Variants in NKAP observed in about 807,000 individuals in gnomAD.
NKAP encodes NF-kappa-B-activating protein.
NKAP carries 4 observed loss-of-function variants against 35.6 expected under a neutral mutation model. That is an observed-to-expected ratio of 0.11 (90% CI 0.06 to 0.26). The LOEUF (loss-of-function observed/expected upper bound fraction) is 0.26. Among genes scored for constraint, NKAP ranks in the 10% least tolerant of loss-of-function variants. NKAP has a pLI of 1.00. For synonymous variants in NKAP, 106 were observed against 119.2 expected (o/e 0.89, Z 0.72); for missense variants, 238 against 321.9 (o/e 0.74, Z 1.99).
chrX:119,934,460 A>AAT, intron 5 of NKAP, 34 bp downstream of exon 5: 1 of 861,927 alleles, frequency 1.2e-6, no homozygotes, highest in Non-Finnish European at 1.6e-6. Context: ...AAAAAAGAAA[A>AAT]GAAATTTTCC....
intron 5 of NKAP, among the ~76,000 whole-genome samples, chrX:119,933,889 C>T (rs1324581513): frequency 1.8e-5 from 2 of 109,178 alleles, no homozygotes; most frequent in African/African-American, 6.7e-5. Context: ...TGCAGTGAGC[C>T]GAGATCGCGC....
chrX:119,943,531 C>A lies in NKAP; in HGVS notation c.75G>T (p.Ser25=), dbSNP rs767648868. ...SGSGGRRRSS[S]KSPKPSKSAR... is the part of the protein sequence containing the mutation. ...CAGATTTGCTGGGCTTCGGACTCTT[C>A]GACGAACTGCGACGTCTTCCCCCCG... Residue 25 remains serine (S), a synonymous_variant, in exon 1 of 9, where the codon TCG becomes TCT. Coordinates refer to ENST00000371410, the MANE Select transcript of NKAP (RefSeq NM_024528.4). The A allele has an allele frequency of 8.3e-7, 1 of 1,207,634 alleles. No individual in the cohort carries two copies. The highest frequency in any genetic ancestry group is 1.7e-5 in the African/African-American group (1 of 57,781).
In NKAP at chrX:119,925,096, T is replaced by G; in HGVS notation, c.*124A>C. On this transcript the variant is annotated 3_prime_UTR_variant, in exon 9 of 9. Transcript: ENST00000371410. ...CTTTTTATTGAAGGACTGAAAGAAT[T>G]AAATAGAAGGCACAGTAGCACTGTA... 2.9e-6 allele frequency: 2 copies of G among 687,552 alleles called. No homozygotes were observed. Among genetic ancestry groups the G allele is most frequent in the Non-Finnish European group, 4.3e-6 (2 of 460,641 alleles). The allele number at this position is 687,552 out of a possible 1,213,427, so 56.7% of individuals were successfully genotyped here. A position where few individuals can be genotyped will look rare whatever the true frequency, so the allele number is the denominator to read the frequency against.
intron 1 of NKAP, among the ~76,000 whole-genome samples, chrX:119,940,747 C>T (rs2056789240): frequency 8.9e-6 from 1 of 112,029 alleles, no homozygotes; most frequent in African/African-American, 3.2e-5. Context: ...AAGTAACAGA[C>T]AATTTAAAAG....
chrX:119,933,979 T>C (rs1003615262), intron 5 of NKAP, among the ~76,000 whole-genome samples: 21 of 111,806 alleles, frequency 1.9e-4, no homozygotes, highest in Admixed American at 1.6e-3. Flanking sequence ...GCCTATCTTT[T>C]AGAGAAAGGT....
chrX:119,929,807 T>C (rs2056731986), intron 8 of NKAP, among the ~76,000 whole-genome samples: 1 of 112,219 alleles, frequency 8.9e-6, no homozygotes, highest in South Asian at 3.6e-4. Context: ...GTCAGAGATA[T>C]AGCTGAGTTT....
chrX:119,936,224 T>C, intron 4 of NKAP, 73 bp downstream of exon 4: 1 of 1,096,677 alleles, frequency 9.1e-7, no homozygotes, highest in Non-Finnish European at 1.2e-6. Flanking sequence ...TCAGGAACCT[T>C]CTTCTAAAAT....
rs1286724093 is a variant in NKAP, at chrX:119,943,460, C to G, written c.146G>C (p.Arg49Pro). The G allele has an allele frequency of 8.3e-7, 1 of 1,211,409 alleles. No homozygotes were observed. The highest frequency in any genetic ancestry group is 1.1e-6 in the Non-Finnish European group (1 of 895,065). Residue 49 changes from arginine (R) to proline (P), a missense_variant, in exon 1 of 9, where the codon CGG becomes CCG. Arg to Pro is a moderately radical substitution (Grantham distance 103). Transcript: ENST00000371410. ...GRRSRSHSCS[R>P]SGDRNGLTHQ... Reference sequence around the variant, plus strand: ...GGTGAGTCCATTCCGGTCCCCGGACCGAGAGCAAGAGTGCGAGCGAGAGCG... The same window carrying G: ...GGTGAGTCCATTCCGGTCCCCGGACGGAGAGCAAGAGTGCGAGCGAGAGCG...
chrX:119,939,517 C>T (rs1221084274), intron 1 of NKAP, among the ~76,000 whole-genome samples: 1 of 111,396 alleles, frequency 9.0e-6, no homozygotes, highest in Non-Finnish European at 1.9e-5. Context: ...AAACTCCTGA[C>T]CTCAGGAGAT....
rs1415585339 is a variant in NKAP, at chrX:119,938,723, C to T, written c.467+7G>A. Reference sequence around the variant, plus strand: ...ACATTTTAAAAATATATTTTTTAACCACTTACTCTGGTTCAGGATTCTTTG... The same window carrying T: ...ACATTTTAAAAATATATTTTTTAACTACTTACTCTGGTTCAGGATTCTTTG... On this transcript the variant is annotated splice_region_variant and intron_variant, in intron 2 of 8. Transcript: ENST00000371410. The T allele has an allele frequency of 7.0e-6, 8 of 1,142,349 alleles. No individual in the cohort carries two copies. The South Asian group carries it at 1.4e-4, about 20-fold the overall frequency. The allele number at this position is 1,142,349 out of a possible 1,213,427, so 94.1% of individuals were successfully genotyped here. A position where few individuals can be genotyped will look rare whatever the true frequency, so the allele number is the denominator to read the frequency against.
At position 119,922,793 on chromosome X, in the gene NKAP, G is replaced by A. The variant is rs1643869531; in HGVS notation, c.*2427C>T. On this transcript the variant is annotated 3_prime_UTR_variant, in exon 9 of 9. Transcript: ENST00000371410. ...ATGACTGCCTTATTTAAACACTTTT[G>A]AAAAACAACCACTTAAAAATATAAG... 8.9e-6 allele frequency: 1 copy of A among 111,736 alleles called. No homozygotes were observed. The highest frequency in any genetic ancestry group is 3.7e-4 in the South Asian group (1 of 2,724). 9.2% of individuals were successfully genotyped at this position (111,736 alleles called of 1,213,427 possible).
intron 7 of NKAP, among the ~76,000 whole-genome samples, chrX:119,931,489 G>A (rs1410875291): frequency 1.8e-5 from 2 of 111,135 alleles, no homozygotes; most frequent in African/African-American, 6.5e-5. Flanking sequence ...CTGGGCAACA[G>A]AGCGAGACTC....
chrX:119,939,200 C>T (rs971131965), intron 1 of NKAP, among the ~76,000 whole-genome samples: 5 of 112,250 alleles, frequency 4.5e-5, no homozygotes, highest in African/African-American at 1.3e-4. Context: ...TTTCAGAAAT[C>T]GAGGAATTAA....
chrX:119,929,840 T>C (rs2056732220), intron 8 of NKAP, among the ~76,000 whole-genome samples, 176 bp downstream of exon 8: 1 of 112,208 alleles, frequency 8.9e-6, no homozygotes, highest in Non-Finnish European at 1.9e-5. Flanking sequence ...CATATATACT[T>C]GGAATTGCAG....
rs539393131 is a variant in NKAP, at chrX:119,927,444, A to G, written c.1074-2050T>C. ...ACTACAACCTCCACCTCATGGGTTC[A>G]AGCGATTCTCCTGCCTCAGCCTCCC... On this transcript the variant is annotated intron_variant, in intron 8 of 8. Coordinates refer to ENST00000371410, the MANE Select transcript of NKAP (RefSeq NM_024528.4). Among the ~76,000 whole-genome samples the G allele has an allele frequency of 2.4e-4, 27 of 111,752 alleles. No individual in the cohort carries two copies. In the South Asian group the frequency reaches 0.01, roughly 42 times the overall value.
rs770156736 is a variant in NKAP at position 119,943,535 on chromosome X, G to C, written c.71C>G (p.Ser24Trp). Residue 24 changes from serine to tryptophan, a missense_variant, in exon 1 of 9, where the codon TCG becomes TGG. This residue lies in a region of NKAP where 123 missense variants were observed against 115.3 expected (regional missense o/e 1.07). Transcript: ENST00000371410. The stretch of plus-strand genomic sequence containing the variant: ...TTTGCTGGGCTTCGGACTCTTCGAC[G>C]AACTGCGACGTCTTCCCCCCGAGCC... ...ASGSGGRRRS[S>W]SKSPKPSKSA... The C allele has an allele frequency of 8.3e-7, 1 of 1,206,605 alleles. No homozygotes were observed. The highest frequency in any genetic ancestry group is 1.7e-5 in the African/African-American group (1 of 57,294).
intron 1 of NKAP, among the ~76,000 whole-genome samples, chrX:119,939,019 G>A (rs2056779847): frequency 8.9e-6 from 1 of 112,252 alleles, no homozygotes; most frequent in African/African-American, 3.2e-5. Flanking sequence ...GATGGCCTGG[G>A]AGACTGTCAA....
chrX:119,942,263 A>C (rs1695610286), intron 1 of NKAP, among the ~76,000 whole-genome samples: 1 of 110,998 alleles, frequency 9.0e-6, no homozygotes, highest in Non-Finnish European at 1.9e-5. Flanking sequence ...ACTTGAGCCC[A>C]GAAATTCGAT....
In NKAP at chrX:119,943,259, C is replaced by T; in HGVS notation, c.347G>A (p.Ser116Asn). 4 of 1,206,510 alleles carry T rather than the reference C, an allele frequency of 3.3e-6. No individual in the cohort carries two copies. Among genetic ancestry groups the T allele is most frequent in the Non-Finnish European group, 4.5e-6 (4 of 892,367 alleles). ...RPYGSDKPWP[S>N]LLDKEREESL... ...CTCCTCCCTCTCCTTGTCGAGGAGG[C>T]TAGGCCAAGGCTTGTCGCTCCCGTA... is the stretch of plus-strand genomic sequence containing the variant. Residue 116 changes from serine (S) to asparagine (N), a missense_variant, in exon 1 of 9, where the codon AGC becomes AAC. Physicochemically the swap from Ser to Asn is conservative, Grantham distance 46 (BLOSUM62 1). Coordinates refer to ENST00000371410, the MANE Select transcript of NKAP (RefSeq NM_024528.4).
Sources: gnomAD v4.1 joint callset for allele counts (sites outside exome capture counted in the v4.1 genomes callset) on GRCh38, gnomAD v4.1.1 for gene constraint, gnomAD v4.1.1 regional missense constraint, MANE v1.5 for transcripts, NCBI Gene and HGNC (gene_info 2026-07-23, HGNC 2026-07-21) for gene names.